CNST: variants seen among roughly 807,000 people sequenced by gnomAD.
The protein encoded by CNST is consortin.
CNST carries 39 observed loss-of-function variants against 72.4 expected under a neutral mutation model. The observed-to-expected ratio is 0.54, with a 90% CI of 0.42 to 0.70. The LOEUF is 0.70. Among genes scored for constraint, CNST ranks in the 30% least tolerant of loss-of-function variants. The pLI is 0.00. For synonymous variants in CNST, 332 were observed against 320.1 expected, an observed-to-expected ratio of 1.04 and a Z score of -0.40; for missense variants, 871 against 868.5, an observed-to-expected ratio of 1.00 and a Z score of -0.04.
At chr1:246,649,389 T>C (rs1666324287) in intron 9 of CNST, among the ~76,000 whole-genome samples, 1 of 152,198 alleles carries the variant, frequency 6.6e-6, no homozygotes, top group Non-Finnish European at 1.5e-5. Flanking sequence ...TTTAAAAAAT[T>C]AGAGCTAATG....
chr1:246,665,314 G>T (rs1018630908), intron 10 of CNST, among the ~76,000 whole-genome samples: 1 of 152,270 alleles, frequency 6.6e-6, no homozygotes, highest in African/African-American at 2.4e-5. Flanking sequence ...CAGGGCTGCA[G>T]TGAGCCAAGA....
At chr1:246,648,216 C>T in intron 9 of CNST, 179 bp downstream of exon 9, 1 of 1,388,652 alleles carries the variant, frequency 7.2e-7, no homozygotes, top group Non-Finnish European at 9.3e-7. Context: ...AATAAAATGA[C>T]TTTTAATCAT....
chr1:246,613,839 G>T (rs970905237), intron 2 of CNST, among the ~76,000 whole-genome samples: 1 of 147,910 alleles, frequency 6.8e-6, no homozygotes, highest in African/African-American at 2.5e-5. Flanking sequence ...AACTACAGGT[G>T]CACACCACCA....
chr1:246,586,523 C>T (rs961078741), intron 1 of CNST, among the ~76,000 whole-genome samples: 2 of 150,176 alleles, frequency 1.3e-5, no homozygotes, highest in Non-Finnish European at 3.0e-5. Flanking sequence ...AATATAAGTA[C>T]ACCACCAAAG....
At position 246,610,960 on chromosome 1, in the gene CNST, G is replaced by A. The variant is rs572379510; in HGVS notation, c.380-10469G>A. Among the ~76,000 whole-genome samples the A allele has an allele frequency of 2.9e-4, 44 of 152,198 alleles. No individual in the cohort carries two copies. In the South Asian group the frequency reaches 7.1e-3, roughly 24 times the overall value. ...TTTGCACCCCTCCGCCCGCTTGGCCGTGGGTTTTTGATCACCTGACAATAT... is the reference window on the plus strand; with the variant it reads ...TTTGCACCCCTCCGCCCGCTTGGCCATGGGTTTTTGATCACCTGACAATAT... On this transcript the variant is annotated intron_variant, in intron 2 of 10. Transcript: ENST00000366513.
intron 2 of CNST, among the ~76,000 whole-genome samples, chr1:246,613,208 TTG>T (rs1335023985): frequency 2.0e-5 from 3 of 152,198 alleles, no homozygotes; most frequent in African/African-American, 7.2e-5. Context: ...ACTTCAGACT[TTG>T]TGTCTAATGG....
At chr1:246,623,842 G>T (rs989386634) in intron 3 of CNST, among the ~76,000 whole-genome samples, 1 of 146,168 alleles carries the variant, frequency 6.8e-6, no homozygotes, top group Non-Finnish European at 1.5e-5. Flanking sequence ...CAGGCAGATT[G>T]CTTGAGCCCA....
chr1:246,616,275 A>C (rs891789151), intron 2 of CNST, among the ~76,000 whole-genome samples: 1 of 152,098 alleles, frequency 6.6e-6, no homozygotes, highest in Non-Finnish European at 1.5e-5. Context: ...TAGGTCAGAC[A>C]TGGTGGCTGG....
intron 2 of CNST, among the ~76,000 whole-genome samples, 170 bp downstream of exon 2, chr1:246,592,111 C>T (rs978551017): frequency 6.6e-6 from 1 of 152,148 alleles, no homozygotes; most frequent in Non-Finnish European, 1.5e-5. Flanking sequence ...CAGTGTGATA[C>T]GTCTCCACAC....
rs1661548127 is a variant in CNST, at chr1:246,591,615, G to A, written c.53G>A (p.Gly18Glu). 6.2e-7 allele frequency: 1 copy of A among 1,614,172 alleles called. No homozygotes were observed. The highest frequency in any genetic ancestry group is 8.5e-7 in the Non-Finnish European group (1 of 1,180,008). Residue 18 changes from glycine (G) to glutamate (E), a missense_variant, in exon 2 of 11, where the codon GGA (glycine) becomes GAA (glutamate). Gly to Glu is a moderately conservative substitution (Grantham distance 98). Transcript: ENST00000366513. ...TATCTGCAAATAGAACCACAAGATGGATGTCATCCTGGTGACAGCGTGGAA... is the reference window on the plus strand; with the variant it reads ...TATCTGCAAATAGAACCACAAGATGAATGTCATCCTGGTGACAGCGTGGAA... ...TYYLQIEPQD[G>E]CHPGDSVERS...
intron 1 of CNST, among the ~76,000 whole-genome samples, chr1:246,574,133 C>T (rs892492194): frequency 6.6e-6 from 1 of 152,186 alleles, no homozygotes; most frequent in East Asian, 1.9e-4. Flanking sequence ...TCCACTACTC[C>T]TGGGTTCACG....
At chr1:246,581,755 C>T (rs995976371) in intron 1 of CNST, among the ~76,000 whole-genome samples, 1 of 152,118 alleles carries the variant, frequency 6.6e-6, no homozygotes, top group South Asian at 2.1e-4. Flanking sequence ...TTTGAAGAAA[C>T]GTTAGTAGCT....
chr1:246,617,492 G>T (rs1467741214), intron 2 of CNST, among the ~76,000 whole-genome samples: 1 of 151,710 alleles, frequency 6.6e-6, no homozygotes, highest in African/African-American at 2.4e-5. Context: ...TTTTCAGGCT[G>T]AGACTTAGGG....
chr1:246,631,999 AT>A (rs1664801830), intron 4 of CNST, 75 bp downstream of exon 4: 11 of 881,976 alleles, frequency 1.2e-5, no homozygotes, highest in Non-Finnish European at 1.8e-5. Flanking sequence ...ATTGAAGTAT[AT>A]TTTACATGTA....
At chr1:246,596,433 G>A (rs984077780) in intron 2 of CNST, among the ~76,000 whole-genome samples, 2 of 151,358 alleles carry the variant, frequency 1.3e-5, no homozygotes, top group Non-Finnish European at 2.9e-5. Context: ...ATTTTTCACT[G>A]TAGTTAAAAT....
intron 9 of CNST, 23 bp from the exon 10 acceptor site, chr1:246,660,176 T>C (rs1418931838): frequency 1.3e-6 from 2 of 1,589,604 alleles, no homozygotes; most frequent in Non-Finnish European, 1.7e-6. Flanking sequence ...AAAAGAATTA[T>C]AGGTTCTTAT....
intron 2 of CNST, among the ~76,000 whole-genome samples, chr1:246,616,935 G>GA (rs1461017858): frequency 1.3e-5 from 2 of 151,602 alleles, no homozygotes; most frequent in East Asian, 3.9e-4. Flanking sequence ...AATTCACACG[G>GA]AAAAATACTA....
chr1:246,631,909 T>C lies in CNST; in HGVS notation c.601T>C (p.Phe201Leu). 3 of 1,549,644 alleles carry C rather than the reference T, an allele frequency of 1.9e-6. No individual in the cohort carries two copies. Among genetic ancestry groups the C allele is most frequent in the Non-Finnish European group, 2.7e-6 (3 of 1,131,520 alleles). ...LCLHQIAESY[F>L]QEEDYEKAMK... ...TTTTTAACAGATAGCAGAATCCTAT[T>C]TCCAGGAGGAGGACTGTATCCTTTT... Residue 201 changes from phenylalanine (F) to leucine (L), a missense_variant, in exon 4 of 11, where the codon TTC becomes CTC. By Grantham distance (22) the Phe-to-Leu change is conservative (BLOSUM62 0). Coordinates refer to ENST00000366513, the MANE Select transcript of CNST (RefSeq NM_152609.3).
At chr1:246,614,659 A>G (rs992407867) in intron 2 of CNST, among the ~76,000 whole-genome samples, 2 of 151,964 alleles carry the variant, frequency 1.3e-5, no homozygotes, top group African/African-American at 4.8e-5. Flanking sequence ...TTTAGTTGGG[A>G]CGGGGTTTCA....
Sources: allele counts gnomAD v4.1 joint callset (sites outside exome capture counted in the v4.1 genomes callset), GRCh38; gene constraint gnomAD v4.1.1; transcripts MANE v1.5; gene names NCBI Gene and HGNC (gene_info 2026-07-23, HGNC 2026-07-21).